The following KAZN variants were observed in gnomAD, a reference collection of about 807,000 sequenced individuals.
The protein encoded by KAZN is kazrin.
Under a neutral mutation model 87.4 loss-of-function variants are expected in KAZN, and 40 were observed. The ratio of observed to expected loss-of-function variants is 0.46; its 90% CI spans 0.36 to 0.60. KAZN has a LOEUF of 0.60. Among genes scored for constraint, KAZN ranks in the 20% least tolerant of loss-of-function variants. KAZN has a pLI of 0.00. For missense variants in KAZN, 898 were observed against 1,073.9 expected, an observed-to-expected ratio of 0.84 and a Z score of 2.29; for synonymous variants, 466 against 458.3, an observed-to-expected ratio of 1.02 and a Z score of -0.22.
At chr1:13,967,803 C>T (rs915093717) in intron 1 of KAZN, among the ~76,000 whole-genome samples, 6 of 152,172 alleles carry the variant, frequency 3.9e-5, no homozygotes, top group Admixed American at 1.3e-4. Flanking sequence ...CGGGGCTTCA[C>T]TGGGCGGGGC....
rs145107635 is a variant in KAZN, at chr1:14,617,666, C to T, written c.226+18443C>T. Among the ~76,000 whole-genome samples, 873 of 152,274 alleles carry T rather than the reference C, an allele frequency of 5.7e-3. 6 individuals carry two copies. Among genetic ancestry groups the T allele is most frequent in the African/African-American group, 0.019 (808 of 41,534 alleles). On this transcript the variant is annotated intron_variant, in intron 1 of 14. Transcript: ENST00000376030. ...ATGCTAAGGATTCAATAAATATCAG[C>T]TATGAATGTGGAACTGTGTATTCAA...
chr1:14,078,333 G>A (rs576843036), intron 1 of KAZN, among the ~76,000 whole-genome samples: 1 of 152,280 alleles, frequency 6.6e-6, no homozygotes, highest in East Asian at 1.9e-4. Flanking sequence ...ATTCAGCATC[G>A]TGATTGGCAG....
intron 2 of KAZN, among the ~76,000 whole-genome samples, chr1:14,349,943 T>C (rs920351767): frequency 6.6e-6 from 1 of 151,974 alleles, no homozygotes; most frequent in African/African-American, 2.4e-5. Flanking sequence ...GAGACTATCC[T>C]GGCCAACATG....
intron 1 of KAZN, among the ~76,000 whole-genome samples, chr1:14,819,946 T>C (rs1266882751): frequency 1.3e-5 from 2 of 151,980 alleles, no homozygotes; most frequent in Non-Finnish European, 1.5e-5. Context: ...CTGACTTCAG[T>C]TGATCCACCC....
intron 2 of KAZN, among the ~76,000 whole-genome samples, chr1:14,540,507 A>G (rs561794271): frequency 6.6e-6 from 1 of 152,160 alleles, no homozygotes; most frequent in African/African-American, 2.4e-5. Flanking sequence ...AAGAAAAGAT[A>G]TGCCCCATCC....
At chr1:14,078,396 C>G (rs1643544080) in intron 1 of KAZN, among the ~76,000 whole-genome samples, 1 of 152,210 alleles carries the variant, frequency 6.6e-6, no homozygotes, top group Non-Finnish European at 1.5e-5. Flanking sequence ...AATCATCTAT[C>G]ATTTCTGAAC....
chr1:15,089,732 C>CAAAAAAAAAAAAAAAAAA (rs56260619), intron 8 of KAZN, among the ~76,000 whole-genome samples: 1 of 68,916 alleles, frequency 1.5e-5, no homozygotes, highest in Non-Finnish European at 3.1e-5. Context: ...CTTTTATTGG[C>CAAAAAAAAAAAAAAAAAA]AAAAAAAAAA....
At chr1:14,445,240 G>A (rs1315652044) in intron 2 of KAZN, among the ~76,000 whole-genome samples, 1 of 152,026 alleles carries the variant, frequency 6.6e-6, no homozygotes, top group African/African-American at 2.4e-5. Context: ...TGGCCAGGCT[G>A]GTCTCGAACT....
chr1:14,342,872 G>T (rs12028137), intron 2 of KAZN, among the ~76,000 whole-genome samples: 37,493 of 152,064 alleles, frequency 0.25, 5,046 homozygotes, highest in Non-Finnish European at 0.31. Context: ...CAGGTGCAGT[G>T]GCTCACGCCT....
intron 2 of KAZN, among the ~76,000 whole-genome samples, chr1:14,984,628 C>A (rs761370416): frequency 3.0e-4 from 45 of 152,240 alleles, no homozygotes; most frequent in Non-Finnish European, 2.9e-4. Context: ...CTCTCTATTT[C>A]TTGATGCCAG....
At chr1:13,902,620 T>A (rs1639290613) in intron 1 of KAZN, among the ~76,000 whole-genome samples, 1 of 152,174 alleles carries the variant, frequency 6.6e-6, no homozygotes, top group African/African-American at 2.4e-5. Flanking sequence ...AGGAATACGA[T>A]CTAGTGTTTG....
chr1:14,718,188 A>G (rs1327377803), intron 1 of KAZN, among the ~76,000 whole-genome samples: 1 of 152,142 alleles, frequency 6.6e-6, no homozygotes, highest in African/African-American at 2.4e-5. Flanking sequence ...TTGCACCACC[A>G]CTTCAAATGG....
chr1:14,592,012 A>G (rs1352390181), intron 2 of KAZN, among the ~76,000 whole-genome samples: 1 of 152,068 alleles, frequency 6.6e-6, no homozygotes, highest in Non-Finnish European at 1.5e-5. Context: ...CGGCCTGCAC[A>G]CTTCTCTACG....
At chr1:14,905,269 G>A (rs1048564680) in intron 1 of KAZN, among the ~76,000 whole-genome samples, 2 of 152,180 alleles carry the variant, frequency 1.3e-5, no homozygotes, top group Non-Finnish European at 2.9e-5. Flanking sequence ...ATAATGGCCA[G>A]GCTGGTCTCA....
chr1:14,368,111 C>T (rs1660164047), intron 2 of KAZN, among the ~76,000 whole-genome samples: 1 of 152,042 alleles, frequency 6.6e-6, no homozygotes, highest in African/African-American at 2.4e-5. Context: ...TCTATCTGTA[C>T]GTGCAGATAC....
chr1:15,080,372 G>A lies in KAZN; in HGVS notation c.1223-13808G>A, dbSNP rs79857001. Among the ~76,000 whole-genome samples, 371 of 152,302 alleles carry A rather than the reference G, an allele frequency of 2.4e-3. 17 individuals carry two copies. In the East Asian group the frequency reaches 0.064, roughly 26 times the overall value. ...TTTTAGCCCAGGGCCTCCCAAGGGT[G>A]AGCCTGGCCCTGGGGTCAGGGGTGG... On this transcript the variant is annotated intron_variant, in intron 8 of 14. Transcript: ENST00000376030.
At position 14,823,542 on chromosome 1, in the gene KAZN, T is replaced by G. The variant is rs1285869861; in HGVS notation, c.227-137142T>G. On this transcript the variant is annotated intron_variant, in intron 1 of 14. Coordinates refer to ENST00000376030, the MANE Select transcript of KAZN (RefSeq NM_201628.3). ...CCAGCCTGGGGGCAGCTATTGGTAT[T>G]CAGAAGGTAGTGGCCAGGATGTTGA... Among the ~76,000 whole-genome samples, 2 of 152,040 alleles carry G rather than the reference T, an allele frequency of 1.3e-5. 1 individual carries two copies. The highest frequency in any genetic ancestry group is 4.8e-5 in the African/African-American group (2 of 41,390).
intron 1 of KAZN, among the ~76,000 whole-genome samples, chr1:14,011,170 C>T (rs1229972272): frequency 6.6e-6 from 1 of 152,146 alleles, no homozygotes; most frequent in African/African-American, 2.4e-5. Flanking sequence ...AGGATGGAAT[C>T]GACAACACCT....
chr1:14,570,121 T>TAAAAA (rs1674776006), intron 2 of KAZN, among the ~76,000 whole-genome samples: 1 of 151,636 alleles, frequency 6.6e-6, no homozygotes, highest in Admixed American at 6.6e-5. Context: ...TCAAAAAAAT[T>TAAAAA]AATAATAAAA....
Sources: gnomAD v4.1 joint callset for allele counts (sites outside exome capture counted in the v4.1 genomes callset) on GRCh38, gnomAD v4.1.1 for gene constraint, MANE v1.5 for transcripts, NCBI Gene and HGNC (gene_info 2026-07-23, HGNC 2026-07-21) for gene names.